The following MARCHF1 variants were observed in gnomAD, a reference collection of about 807,000 sequenced individuals.
MARCHF1 encodes the protein E3 ubiquitin-protein ligase MARCHF1.
Under a neutral mutation model 54.2 loss-of-function variants are expected in MARCHF1, and 40 were observed. The ratio of observed to expected loss-of-function variants is 0.74; its 90% CI spans 0.57 to 0.96. The LOEUF (loss-of-function observed/expected upper bound fraction) is 0.96, where lower values mean the gene tolerates loss of function less well. MARCHF1 is among the 40% of genes least tolerant of loss of function. The pLI is 0.00. For synonymous variants in MARCHF1, 236 were observed against 236.3 expected, an observed-to-expected ratio of 1.00 and a Z score of 0.01; for missense variants, 586 against 656.5, an observed-to-expected ratio of 0.89 and a Z score of 1.17.
At chr4:164,337,596 C>A (rs1360894209) in intron 1 of MARCHF1, among the ~76,000 whole-genome samples, 1 of 152,226 alleles carries the variant, frequency 6.6e-6, no homozygotes, top group South Asian at 2.1e-4. Flanking sequence ...TGTGGACAAC[C>A]ACCCAAAACC....
intron 1 of MARCHF1, among the ~76,000 whole-genome samples, chr4:164,143,850 A>G (rs1729580634): frequency 6.6e-6 from 1 of 152,204 alleles, no homozygotes; most frequent in Non-Finnish European, 1.5e-5. Context: ...AATGGACTAA[A>G]TGCTCCAATT....
At chr4:164,147,960 A>G (rs1729809595) in intron 1 of MARCHF1, among the ~76,000 whole-genome samples, 1 of 152,162 alleles carries the variant, frequency 6.6e-6, no homozygotes, top group South Asian at 2.1e-4. Context: ...AGTATAATCT[A>G]TAGAATATTC....
intron 3 of MARCHF1, among the ~76,000 whole-genome samples, chr4:163,900,856 A>T (rs1463457889): frequency 6.6e-6 from 1 of 152,190 alleles, no homozygotes; most frequent in Non-Finnish European, 1.5e-5. Flanking sequence ...CATGTATATT[A>T]AGGGACTAAT....
intron 2 of MARCHF1, among the ~76,000 whole-genome samples, chr4:164,008,560 T>C (rs776704652): frequency 1.1e-4 from 17 of 151,890 alleles, no homozygotes; most frequent in Non-Finnish European, 2.5e-4. Flanking sequence ...TGGATCAACC[T>C]CCAGAATACA....
chr4:163,917,055 T>C (rs745922043), intron 3 of MARCHF1, among the ~76,000 whole-genome samples: 2 of 152,130 alleles, frequency 1.3e-5, no homozygotes, highest in African/African-American at 4.8e-5. Flanking sequence ...GCTATCTCCA[T>C]AGTTTTGCTG....
intron 5 of MARCHF1, among the ~76,000 whole-genome samples, chr4:163,631,591 C>A (rs1296143893): frequency 1.4e-5 from 2 of 141,888 alleles, no homozygotes; most frequent in African/African-American, 2.4e-5. Context: ...TATCTGTATA[C>A]CTCTTCTGCA....
At chr4:163,955,774 C>G (rs899204237) in intron 3 of MARCHF1, among the ~76,000 whole-genome samples, 4 of 152,086 alleles carry the variant, frequency 2.6e-5, no homozygotes, top group Non-Finnish European at 5.9e-5. Flanking sequence ...TGTCCATATT[C>G]CGGTGCCAAG....
chr4:163,962,151 C>G (rs1352829108), intron 3 of MARCHF1, among the ~76,000 whole-genome samples: 1 of 151,936 alleles, frequency 6.6e-6, no homozygotes, highest in Non-Finnish European at 1.5e-5. Context: ...TTCCCACCAA[C>G]CCTAAAGCCA....
At chr4:164,225,704 G>A (rs1279023170) in intron 1 of MARCHF1, among the ~76,000 whole-genome samples, 1 of 151,878 alleles carries the variant, frequency 6.6e-6, no homozygotes, top group Non-Finnish European at 1.5e-5. Context: ...TAATGAGAAC[G>A]TGAAATACCT....
At chr4:163,882,978 A>G (rs1750449411) in intron 3 of MARCHF1, among the ~76,000 whole-genome samples, 1 of 152,112 alleles carries the variant, frequency 6.6e-6, no homozygotes, top group Non-Finnish European at 1.5e-5. Context: ...CCTTGTCTCA[A>G]ATAATATATT....
intron 1 of MARCHF1, among the ~76,000 whole-genome samples, chr4:164,351,020 G>A (rs189515380): frequency 5.9e-5 from 9 of 152,082 alleles, no homozygotes; most frequent in Admixed American, 1.3e-4. Flanking sequence ...CTGGAAAATC[G>A]GGTTACTCCC....
chr4:163,630,173 A>C (rs1163441749), intron 5 of MARCHF1, among the ~76,000 whole-genome samples: 2 of 152,250 alleles, frequency 1.3e-5, no homozygotes, highest in African/African-American at 4.8e-5. Flanking sequence ...CAATAGGCCC[A>C]AACTGTAAAT....
chr4:163,646,907 A>T (rs1197374438), intron 5 of MARCHF1, among the ~76,000 whole-genome samples: 3 of 152,286 alleles, frequency 2.0e-5, no homozygotes, highest in Middle Eastern at 6.8e-3. Context: ...GTAAGTCTGC[A>T]TCTATCAATA....
intron 5 of MARCHF1, among the ~76,000 whole-genome samples, chr4:163,656,944 A>G (rs193174931): frequency 2.6e-5 from 4 of 152,264 alleles, no homozygotes; most frequent in Admixed American, 1.3e-4. Context: ...CCCACAGCCA[A>G]TATCATACTG....
chr4:164,176,935 T>TTG (rs1431441675), intron 1 of MARCHF1, among the ~76,000 whole-genome samples: 1 of 130,954 alleles, frequency 7.6e-6, no homozygotes, highest in African/African-American at 2.7e-5. Context: ...TCTGAGTACC[T>TTG]TGTGCGCTCT....
intron 4 of MARCHF1, among the ~76,000 whole-genome samples, chr4:163,832,716 T>A (rs1385468205): frequency 1.3e-5 from 2 of 150,148 alleles, no homozygotes; most frequent in Admixed American, 6.7e-5. Context: ...ATTAGGTATA[T>A]CTCCTAATGC....
chr4:163,844,412 A>C (rs1046262581), intron 4 of MARCHF1, among the ~76,000 whole-genome samples: 2 of 152,060 alleles, frequency 1.3e-5, no homozygotes, highest in Admixed American at 6.6e-5. Flanking sequence ...TGCTGTGCAG[A>C]GTTCTTTAAT....
In MARCHF1 at chr4:164,185,776, T is replaced by C. The variant is rs1261398844; in HGVS notation, c.-322-74114A>G. On this transcript the variant is annotated intron_variant, in intron 1 of 9. Transcript: ENST00000514618. The stretch of plus-strand genomic sequence containing the variant: ...AAAATTGCTTCTAAATTGTAGAAGA[T>C]ATTAAAACTAGTCACACACACACAC... Among the ~76,000 whole-genome samples, 4 of 149,236 alleles carry C rather than the reference T, an allele frequency of 2.7e-5. No individual in the cohort carries two copies. The South Asian group carries it at 8.4e-4, about 31-fold the overall frequency.
chr4:164,271,622 G>A (rs1412564285), intron 1 of MARCHF1, among the ~76,000 whole-genome samples: 1 of 152,140 alleles, frequency 6.6e-6, no homozygotes, highest in Non-Finnish European at 1.5e-5. Context: ...TGTTACAGCA[G>A]TAATAGAACA....
Sources: gnomAD v4.1 joint callset for allele counts (sites outside exome capture counted in the v4.1 genomes callset) on GRCh38, gnomAD v4.1.1 for gene constraint, MANE v1.5 for transcripts, NCBI Gene and HGNC (gene_info 2026-07-23, HGNC 2026-07-21) for gene names.